MADD: variants seen among roughly 807,000 people sequenced by gnomAD.
MADD encodes MAP kinase-activating death domain protein.
MADD carries 109 observed loss-of-function variants against 176.7 expected under a neutral mutation model. That is an observed-to-expected ratio of 0.62 (90% CI 0.53 to 0.72). MADD has a LOEUF of 0.72. Ranked by LOEUF, MADD falls within the 30% of genes least tolerant of loss-of-function variation. The pLI, the probability that MADD is intolerant of heterozygous loss-of-function variation, is 0.00. For synonymous variants in MADD, 771 were observed against 771.3 expected (o/e 1.00, Z 0.01); for missense variants, 1,914 against 2,045.5 (o/e 0.94, Z 1.24).
chr11:47,285,781 G>GTCATTA (rs59394568), intron 14 of MADD, among the ~76,000 whole-genome samples, 191 bp downstream of exon 14: 151,337 of 152,224 alleles, frequency 0.99, 75,228 homozygotes, highest in East Asian at 1. Flanking sequence ...GGACAGATTA[G>GTCATTA]TCATTATGCC....
At chr11:47,285,636 C>G (rs932561497) in intron 14 of MADD, 46 bp downstream of exon 14, 8 of 1,610,764 alleles carry the variant, frequency 5.0e-6, no homozygotes, top group Middle Eastern at 3.3e-4. Context: ...TCCATTTTCT[C>G]TACAGCAGAG....
chr11:47,291,234 C>G (rs1435207326), intron 19 of MADD, among the ~76,000 whole-genome samples: 3 of 152,180 alleles, frequency 2.0e-5, no homozygotes, highest in Non-Finnish European at 4.4e-5. Context: ...CCCATCCAAC[C>G]ATTATACTCC....
At chr11:47,320,787 T>C (rs2094333423) in intron 27 of MADD, among the ~76,000 whole-genome samples, 1 of 151,990 alleles carries the variant, frequency 6.6e-6, no homozygotes, top group African/African-American at 2.4e-5. Flanking sequence ...CTAGGCATGC[T>C]AGTGCATGCC....
At chr11:47,305,165 G>A (rs1406667242) in intron 22 of MADD, among the ~76,000 whole-genome samples, 1 of 152,176 alleles carries the variant, frequency 6.6e-6, no homozygotes, top group Non-Finnish European at 1.5e-5. Flanking sequence ...TCAGCCAAGA[G>A]AATCCCTCTT....
chr11:47,299,466 T>A (rs2139782247), intron 22 of MADD, among the ~76,000 whole-genome samples: 1 of 152,166 alleles, frequency 6.6e-6, no homozygotes, highest in Non-Finnish European at 1.5e-5. Context: ...CTTGATTTCT[T>A]TTTCTGCTAT....
intron 20 of MADD, among the ~76,000 whole-genome samples, chr11:47,294,392 G>A (rs553920641): frequency 5.7e-4 from 84 of 146,558 alleles, no homozygotes; most frequent in African/African-American, 1.9e-3. Context: ...AGCCAGGTGC[G>A]GTGGTTCATG....
chr11:47,323,790 T>C (rs139231101), exon 28 of MADD: 113 of 1,614,090 alleles, frequency 7.0e-5, no homozygotes, highest in Non-Finnish European at 8.8e-5. Context: ...GCTTGTGGCG[T>C]AGAAATGGCT....
At chr11:47,324,276 G>GTAC (rs2095093533) in exon 29 of MADD, 1 of 1,614,156 alleles carries the variant, frequency 6.2e-7, no homozygotes, top group African/African-American at 1.3e-5. Flanking sequence ...GTCGGGAGCT[G>GTAC]TACTACTGTG....
intron 1 of MADD, chr11:47,272,009 G>A (rs1484931639): frequency 6.6e-6 from 1 of 152,228 alleles, no homozygotes; most frequent in Non-Finnish European, 1.5e-5. Context: ...GTGTTCTAGA[G>A]ATATCACTAT....
intron 22 of MADD, among the ~76,000 whole-genome samples, chr11:47,299,670 T>C (rs1363686144): frequency 8.7e-6 from 1 of 114,788 alleles, no homozygotes; most frequent in Admixed American, 9.6e-5. Context: ...GCTGGGACTG[T>C]AGGCATGCAC....
At chr11:47,328,368 C>G in intron 31 of MADD, 1 of 1,345,044 alleles carries the variant, frequency 7.4e-7, no homozygotes, top group Non-Finnish European at 9.6e-7. Context: ...GCCCGTCCCT[C>G]CCATCCAGGG....
intron 2 of MADD, among the ~76,000 whole-genome samples, 196 bp downstream of exon 2, chr11:47,274,172 A>G (rs566646835): frequency 1.2e-4 from 19 of 152,296 alleles, no homozygotes; most frequent in Admixed American, 7.8e-4. Flanking sequence ...CTTAACTAAC[A>G]TCTTCTTGAT....
At chr11:47,284,068 C>A in intron 10 of MADD, 110 bp from the exon 11 acceptor site, 2 of 746,610 alleles carry the variant, frequency 2.7e-6, no homozygotes, top group Non-Finnish European at 4.7e-6. Context: ...TGATTTGTTC[C>A]CTGGCCTTGA....
chr11:47,304,233 C>CTT (rs757249187), intron 22 of MADD, among the ~76,000 whole-genome samples: 2 of 139,822 alleles, frequency 1.4e-5, no homozygotes, highest in African/African-American at 2.6e-5. Flanking sequence ...GTATTTTTTC[C>CTT]TTTTTTTTTT....
chr11:47,288,645 C>T (rs1272096223), intron 15 of MADD, among the ~76,000 whole-genome samples: 5 of 152,248 alleles, frequency 3.3e-5, no homozygotes, highest in Non-Finnish European at 7.3e-5. Context: ...CACATACCCT[C>T]AGGCCCCTGG....
intron 16 of MADD, 119 bp downstream of exon 17, chr11:47,289,612 T>A (rs1565374708): frequency 1.1e-5 from 10 of 901,742 alleles, no homozygotes; most frequent in Non-Finnish European, 1.8e-5. Flanking sequence ...ATGTAATCAA[T>A]TTCTTGCCAG....
rs1380384231 is a variant in MADD, at chr11:47,290,069, A to G, written c.2943+16A>G. The G allele has an allele frequency of 1.2e-6, 2 of 1,612,788 alleles. No homozygotes were observed. The highest frequency in any genetic ancestry group is 4.5e-5 in the East Asian group (2 of 44,850). ...CCCGGATGTGGTCAGTGTTGGGGGT[A>G]GGGAATCGGAGTAACTGGAGAGAGG... On this transcript the variant is annotated intron_variant, in intron 17 of 32. Transcript: ENST00000402192.
chr11:47,291,575 T>G (rs904426634), intron 19 of MADD, among the ~76,000 whole-genome samples: 3 of 152,150 alleles, frequency 2.0e-5, no homozygotes, highest in African/African-American at 7.2e-5. Flanking sequence ...CCATAAATGG[T>G]GACATGGAAC....
At chr11:47,285,572 G>A in exon 14 of MADD, 1 of 1,614,074 alleles carries the variant, frequency 6.2e-7, no homozygotes, top group Non-Finnish European at 8.5e-7. Flanking sequence ...GGGCTTCGGG[G>A]GCATCATGTC....
Sources: allele counts gnomAD v4.1 joint callset (sites outside exome capture counted in the v4.1 genomes callset), GRCh38; gene constraint gnomAD v4.1.1; transcripts MANE v1.5; gene names NCBI Gene and HGNC (gene_info 2026-07-23, HGNC 2026-07-21).